Variants in SH3GL1 observed in about 807,000 individuals in gnomAD.
SH3GL1 encodes endophilin-A2.
In SH3GL1, 21 loss-of-function variants were observed where a neutral mutation model predicts 48.8. The observed-to-expected ratio is 0.43, with a 90% CI of 0.30 to 0.62. The LOEUF (loss-of-function observed/expected upper bound fraction) is 0.62, where lower values mean the gene tolerates loss of function less well. SH3GL1 is among the 20% of genes least tolerant of loss of function. The pLI is 0.11. For synonymous variants in SH3GL1, 282 were observed against 217.5 expected, an observed-to-expected ratio of 1.30 and a Z score of -2.61; for missense variants, 454 against 503.0, an observed-to-expected ratio of 0.90 and a Z score of 0.93.
rs375691569 is a variant in SH3GL1 at position 4,361,280 on chromosome 19, G to A, written c.*320C>T. 3.1e-4 allele frequency: 131 copies of A among 426,014 alleles called. No individual in the cohort carries two copies. In the East Asian group the frequency reaches 3.8e-3, roughly 12 times the overall value. 26.4% of individuals were successfully genotyped at this position (426,014 alleles called of 1,614,324 possible). On this transcript the variant is annotated 3_prime_UTR_variant, in exon 10 of 10. Transcript: ENST00000269886. Reference sequence around the variant, plus strand: ...CCCAGAGGAACATTAGTGTTTCTAAGAGCACCTTAGTGTTGCCCCGCCTCG... The same window carrying A: ...CCCAGAGGAACATTAGTGTTTCTAAAAGCACCTTAGTGTTGCCCCGCCTCG...
intron 1 of SH3GL1, chr19:4,395,890 G>A (rs1458673338): frequency 6.6e-6 from 1 of 151,742 alleles, no homozygotes; most frequent in Non-Finnish European, 1.5e-5. Context: ...CAGCCTGGGT[G>A]ACAGAGCAAG....
intron 1 of SH3GL1, among the ~76,000 whole-genome samples, chr19:4,392,160 C>G (rs1427153498): frequency 6.6e-6 from 1 of 152,352 alleles, no homozygotes; most frequent in East Asian, 1.9e-4. Flanking sequence ...TGCCTCTCAA[C>G]TACCTGTCAC....
intron 1 of SH3GL1, among the ~76,000 whole-genome samples, chr19:4,371,650 G>A (rs1972903878): frequency 6.6e-6 from 1 of 152,252 alleles, no homozygotes. Context: ...TTTGCCCGCA[G>A]AGGGGTCGGC....
At chr19:4,395,534 C>T (rs370109869) in intron 1 of SH3GL1, 163 of 152,308 alleles carry the variant, frequency 1.1e-3, no homozygotes, top group African/African-American at 3.8e-3. Context: ...CCAGGAAATA[C>T]AGGTGCTCAC....
intron 4 of SH3GL1, among the ~76,000 whole-genome samples, chr19:4,364,878 G>A (rs964057164): frequency 1.5e-5 from 1 of 67,680 alleles, no homozygotes; most frequent in African/African-American, 5.4e-5. Flanking sequence ...GTGTGTGTGT[G>A]TGTGTGTGTG....
rs542845425 is a variant in SH3GL1, at chr19:4,371,968, A to T, written c.46-4974T>A. ...GTCAACCGCAGCGAATACCTGTGAC[A>T]AGGCCTCATCTTTTTTTTTCTTTTT... On this transcript the variant is annotated intron_variant, in intron 1 of 9. Coordinates refer to ENST00000269886, the MANE Select transcript of SH3GL1 (RefSeq NM_003025.4). 3.9e-5 allele frequency among the ~76,000 whole-genome samples: 6 copies of T among 152,216 alleles called. No individual in the cohort carries two copies. The East Asian group carries it at 1.2e-3, about 29-fold the overall frequency.
At chr19:4,363,907 C>T in intron 5 of SH3GL1, 29 bp from the exon 6 acceptor site, 1 of 1,611,470 alleles carries the variant, frequency 6.2e-7, no homozygotes, top group African/African-American at 1.3e-5. Context: ...TGGGTCACAC[C>T]AGTAGCGGCC....
chr19:4,369,907 G>T (rs1008588635), intron 1 of SH3GL1, among the ~76,000 whole-genome samples: 4 of 152,258 alleles, frequency 2.6e-5, no homozygotes, highest in Non-Finnish European at 4.4e-5. Flanking sequence ...GATGGACACA[G>T]GGATGAGCAG....
intron 1 of SH3GL1, among the ~76,000 whole-genome samples, chr19:4,381,436 CCT>C (rs201899340): frequency 8.4e-6 from 1 of 118,510 alleles, no homozygotes; most frequent in East Asian, 2.7e-4. Context: ...GTCCCCTCTG[CCT>C]CTCTGTCCCC....
At chr19:4,364,661 C>T (rs568843616) in intron 4 of SH3GL1, 139 of 166,078 alleles carry the variant, frequency 8.4e-4, no homozygotes, top group Middle Eastern at 6.0e-3. Context: ...GAACTCCTGA[C>T]CTTGTGATCC....
chr19:4,361,477 G>A lies in SH3GL1; in HGVS notation c.*123C>T. 1.4e-6 allele frequency: 1 copy of A among 710,526 alleles called. No individual in the cohort carries two copies. The highest frequency in any genetic ancestry group is 2.4e-6 in the Non-Finnish European group (1 of 425,078). The allele number at this position is 710,526 out of a possible 1,614,324, so 44.0% of individuals were successfully genotyped here. A position where few individuals can be genotyped will look rare whatever the true frequency, so the allele number is the denominator to read the frequency against. Reference sequence around the variant, plus strand: ...GCTCAGGGAGTACCTCAAGGGCCGGGGCCCAGGTGGCGCCGGCAGGCTCAG... The same window carrying A: ...GCTCAGGGAGTACCTCAAGGGCCGGAGCCCAGGTGGCGCCGGCAGGCTCAG... On this transcript the variant is annotated 3_prime_UTR_variant, in exon 10 of 10. Coordinates refer to ENST00000269886, the MANE Select transcript of SH3GL1 (RefSeq NM_003025.4).
At chr19:4,371,515 C>G (rs1185592046) in intron 1 of SH3GL1, among the ~76,000 whole-genome samples, 3 of 152,248 alleles carry the variant, frequency 2.0e-5, no homozygotes, top group Non-Finnish European at 4.4e-5. Context: ...GCTTGGTGCC[C>G]CAGCAGACTA....
At position 4,400,331 on chromosome 19, in the gene SH3GL1, G is replaced by C; in HGVS notation, c.38C>G (p.Ala13Gly). 1 of 1,598,912 alleles carries C rather than the reference G, an allele frequency of 6.3e-7. No individual in the cohort carries two copies. The highest frequency in any genetic ancestry group is 8.5e-7 in the Non-Finnish European group (1 of 1,175,800). Residue 13 changes from alanine to glycine, a missense_variant, in exon 1 of 10, where the codon GCG becomes GGG. Physicochemically the swap from Ala to Gly is moderately conservative, Grantham distance 60. Coordinates refer to ENST00000269886, the MANE Select transcript of SH3GL1 (RefSeq NM_003025.4). This position sits in a 1 kb window ranked among gnomAD's most constrained non-coding sequence, Gnocchi z 4.1. ...VAGLKKQFYK[A>G]SQLVSEKVGG... ...GCCTGGGCCTGCGCTCACCTGGCTC[G>C]CCTTGTAGAACTGCTTCTTCAGCCC...
chr19:4,371,421 G>A (rs1463361677), intron 1 of SH3GL1, among the ~76,000 whole-genome samples: 1 of 152,268 alleles, frequency 6.6e-6, no homozygotes, highest in East Asian at 1.9e-4. Context: ...GGAGCTGGCT[G>A]CTGCCGATGG....
rs34085741 is a variant in SH3GL1, at chr19:4,382,253, CT to C, written c.46-15260del. Among the ~76,000 whole-genome samples, 488 of 102,374 alleles carry C rather than the reference CT, an allele frequency of 4.8e-3. 1 individual carries two copies. Among genetic ancestry groups the C allele is most frequent in the African/African-American group, 0.016 (439 of 27,440 alleles). The allele number at this position is 102,374 out of a possible 152,430, so 67.2% of individuals were successfully genotyped here. On this transcript the variant is annotated intron_variant, in intron 1 of 9. Transcript: ENST00000269886. ...ACAGCAGGGGAAGGTGCTCCGCTTT[CT>C]TTTTTTTTTTTTTTTTTTTTTGAGA...
At chr19:4,396,489 CTT>C (rs979250907) in intron 1 of SH3GL1, among the ~76,000 whole-genome samples, 7 of 146,502 alleles carry the variant, frequency 4.8e-5, no homozygotes, top group South Asian at 2.2e-4. Context: ...TTATATTTTA[CTT>C]TTTTTTTTTT....
chr19:4,363,483 C>CA lies in SH3GL1; in HGVS notation c.625-11dup, dbSNP rs1972682175. ...GACTCACCTGCTCGATCTGTGGGGA[C>CA]AGTAGGGCTCAGGGGCTCCTGCCAG... On this transcript the variant is annotated splice_polypyrimidine_tract_variant and intron_variant, in intron 6 of 9. Transcript: ENST00000269886. 10 of 1,607,144 alleles carry CA rather than the reference C, an allele frequency of 6.2e-6. No homozygotes were observed. The highest frequency in any genetic ancestry group is 8.5e-6 in the Non-Finnish European group (10 of 1,176,112).
At chr19:4,384,248 A>G (rs566694238) in intron 1 of SH3GL1, among the ~76,000 whole-genome samples, 2 of 152,160 alleles carry the variant, frequency 1.3e-5, no homozygotes, top group Non-Finnish European at 2.9e-5. Context: ...GGAGCCCCCC[A>G]GTTCATCCCG....
At position 4,367,848 on chromosome 19, in the gene SH3GL1, C is replaced by T. The variant is rs573614885; in HGVS notation, c.46-854G>A. Among the ~76,000 whole-genome samples the T allele has an allele frequency of 1.3e-5, 2 of 152,360 alleles. No homozygotes were observed. Among genetic ancestry groups the T allele is most frequent in the South Asian group, 2.1e-4 (1 of 4,830 alleles). On this transcript the variant is annotated intron_variant, in intron 1 of 9. Coordinates refer to ENST00000269886, the MANE Select transcript of SH3GL1 (RefSeq NM_003025.4). The surrounding 1 kb of genome is among the most constrained non-coding windows in gnomAD (Gnocchi z 4.2). ...CACAGGCGTTGCTTTCTTCACCCCA[C>T]GTATCCCATGTGTGCCTGGCGCCAA... is the stretch of plus-strand genomic sequence containing the variant.
Sources: gnomAD v4.1 joint callset for allele counts (sites outside exome capture counted in the v4.1 genomes callset) on GRCh38, gnomAD v4.1.1 for gene constraint, Gnocchi (gnomAD v3.1) non-coding constraint, MANE v1.5 for transcripts, NCBI Gene and HGNC (gene_info 2026-07-23, HGNC 2026-07-21) for gene names.